Variants in ABHD1 observed in about 807,000 individuals in gnomAD.
ABHD1 encodes the protein abhydrolase domain containing 1.
Under a neutral mutation model 41.4 loss-of-function variants are expected in ABHD1, and 47 were observed. The observed-to-expected ratio is 1.13, with a 90% confidence interval of 0.90 to 1.45. The LOEUF (loss-of-function observed/expected upper bound fraction) is 1.45. Ranked by LOEUF, ABHD1 falls within the 40% of genes most tolerant of loss-of-function variation. The probability of loss-of-function intolerance (pLI) is 0.00; values close to 1 mark genes in which losing one functional copy is unlikely to be tolerated. For missense variants in ABHD1, 550 were observed against 503.4 expected (o/e 1.09, Z -0.89); for synonymous variants, 205 against 203.7 (o/e 1.01, Z -0.05).
chr2:27,125,526 C>A (rs935480168), intron 1 of ABHD1: 1 of 152,164 alleles, frequency 6.6e-6, no homozygotes, highest in Non-Finnish European at 1.5e-5. Context: ...ATCAAATTAA[C>A]CCACATAAAT....
intron 1 of ABHD1, 88 bp downstream of exon 1, chr2:27,124,150 G>A: frequency 7.9e-7 from 1 of 1,258,330 alleles, no homozygotes; most frequent in South Asian, 1.2e-5. Flanking sequence ...TGGGAACTGG[G>A]ATGGTTGGGC....
intron 1 of ABHD1, 101 bp from the exon 2 acceptor site, chr2:27,128,340 C>A: frequency 2.1e-6 from 3 of 1,427,438 alleles, no homozygotes; most frequent in Non-Finnish European, 2.9e-6. Flanking sequence ...GTCCTCCAGG[C>A]TGGGCTCTGG....
At position 27,130,162 on chromosome 2, in the gene ABHD1, T is replaced by C. The variant is rs1036361061; in HGVS notation, c.840+9T>C. ...TAGACTTTGTACTACAGGTATAATATTCAGCCATGCCCCTGGTTCCCCCAA... is the reference window on the plus strand; with the variant it reads ...TAGACTTTGTACTACAGGTATAATACTCAGCCATGCCCCTGGTTCCCCCAA... On this transcript the variant is annotated intron_variant, in intron 7 of 8. Transcript: ENST00000316470. 1.2e-6 allele frequency: 2 copies of C among 1,614,196 alleles called. No individual in the cohort carries two copies. The highest frequency in any genetic ancestry group is 4.5e-5 in the East Asian group (2 of 44,886).
In ABHD1 at chr2:27,130,307, A is replaced by C. The variant is rs1672179036; in HGVS notation, c.897A>C (p.Gln299His). ...ACACATCTGTGGCCTTTGGATATCA[A>C]GACTGTGTTACCTACTACAAAGCAG... is the stretch of plus-strand genomic sequence containing the variant. ...ERYTSVAFGY[Q>H]DCVTYYKAAS... The change falls in exon 8 of 9, where the codon CAA (glutamine) becomes CAC (histidine). Residue 299 changes from glutamine to histidine, a missense_variant. Physicochemically the swap from Gln to His is conservative, Grantham distance 24. Coordinates refer to ENST00000316470, the MANE Select transcript of ABHD1 (RefSeq NM_032604.4). 1 of 1,614,048 alleles carries C rather than the reference A, an allele frequency of 6.2e-7. No individual in the cohort carries two copies. Among genetic ancestry groups the C allele is most frequent in the South Asian group, 1.1e-5 (1 of 91,086 alleles).
At chr2:27,128,924 T>G (rs574689221) in intron 2 of ABHD1, 21 bp from the exon 3 acceptor site, 1 of 1,608,854 alleles carries the variant, frequency 6.2e-7, no homozygotes, top group Admixed American at 1.7e-5. Context: ...TATCTTTGTG[T>G]GCCTCTTCCT....
Position 27,123,898 on chromosome 2 carries a change from G to C in ABHD1, c.-51G>C. 6.5e-7 allele frequency: 1 copy of C among 1,529,262 alleles called. No individual in the cohort carries two copies. Among genetic ancestry groups the C allele is most frequent in the Non-Finnish European group, 9.0e-7 (1 of 1,111,090 alleles). 94.7% of individuals were successfully genotyped at this position (1,529,262 alleles called of 1,614,324 possible). On this transcript the variant is annotated 5_prime_UTR_variant, in exon 1 of 9. Coordinates refer to ENST00000316470, the MANE Select transcript of ABHD1 (RefSeq NM_032604.4). ...GCGGGTGGGACCGCGAGTTACAGCCGGCCAACTGGGGCCAGCCAGGAGCCT... is the reference window on the plus strand; with the variant it reads ...GCGGGTGGGACCGCGAGTTACAGCCCGCCAACTGGGGCCAGCCAGGAGCCT...
chr2:27,130,670 A>T lies in ABHD1; in HGVS notation c.1144A>T (p.Lys382Ter). ...GAGCCGCCTCTTGCATCAGTACGCC[A>T]AAGCCATCTTCCAGGACCCAGAGGG... ...YMSRLLHQYA[K>*]AIFQDPEGLP... The change falls in exon 9 of 9, where the codon AAA becomes TAA. Residue 382 changes from lysine (K) to a stop codon, truncating the protein, a stop_gained. Coordinates refer to ENST00000316470, the MANE Select transcript of ABHD1 (RefSeq NM_032604.4). LOFTEE classifies it low-confidence loss of function (END_TRUNC). The T allele has an allele frequency of 6.2e-7, 1 of 1,614,112 alleles. No individual in the cohort carries two copies. The highest frequency in any genetic ancestry group is 1.7e-5 in the Admixed American group (1 of 60,012).
intron 1 of ABHD1, chr2:27,124,337 C>G (rs566658213): frequency 1.9e-6 from 1 of 536,172 alleles, no homozygotes; most frequent in Non-Finnish European, 3.5e-6. Context: ...CCTGAGGTAT[C>G]AGAGATGTGC....
intron 1 of ABHD1, chr2:27,126,717 A>C (rs1375912302): frequency 6.6e-6 from 1 of 152,134 alleles, no homozygotes; most frequent in Non-Finnish European, 1.5e-5. Flanking sequence ...AGGAAGAAAA[A>C]AATCGATTCA....
chr2:27,129,927 G>T lies in ABHD1; in HGVS notation c.791G>T (p.Arg264Leu), dbSNP rs185150956. Reference sequence around the variant, plus strand: ...GCTGGGCTCTGCCAACTTGTGGAACGGTAGGGTCGTGGCAAGTGGGAGGAG... The same window carrying T: ...GCTGGGCTCTGCCAACTTGTGGAACTGTAGGGTCGTGGCAAGTGGGAGGAG... ...LTAGLCQLVERNRKVIEKVVD... is the reference protein window; with the variant it reads ...LTAGLCQLVELNRKVIEKVVD... The change falls in exon 6 of 9, where the codon CGA becomes CTA. Residue 264 changes from arginine to leucine, a missense_variant and splice_region_variant. Physicochemically the swap from Arg to Leu is moderately radical, Grantham distance 102 (BLOSUM62 -2). Coordinates refer to ENST00000316470, the MANE Select transcript of ABHD1 (RefSeq NM_032604.4). 1.1e-5 allele frequency: 18 copies of T among 1,613,918 alleles called. No homozygotes were observed. In the East Asian group the frequency reaches 3.8e-4, roughly 34 times the overall value.
At chr2:27,124,510 C>T in intron 1 of ABHD1, 1 of 351,842 alleles carries the variant, frequency 2.8e-6, no homozygotes, top group Non-Finnish European at 5.6e-6. Context: ...TCAGAACTGG[C>T]CTAGCTCAGA....
intron 1 of ABHD1, among the ~76,000 whole-genome samples, chr2:27,127,563 A>AG (rs1374816747): frequency 3.7e-5 from 2 of 53,564 alleles, no homozygotes; most frequent in Non-Finnish European, 1.2e-4. Flanking sequence ...CAAAAAAAAA[A>AG]AAAAAAAAGA....
At chr2:27,128,072 C>T (rs1672046699) in intron 1 of ABHD1, among the ~76,000 whole-genome samples, 1 of 152,152 alleles carries the variant, frequency 6.6e-6, no homozygotes, top group Non-Finnish European at 1.5e-5. Flanking sequence ...CCTCAGCCTC[C>T]CAAGTGGCTG....
chr2:27,130,037 G>A, intron 6 of ABHD1, 68 bp from the exon 7 acceptor site: 1 of 1,611,428 alleles, frequency 6.2e-7, no homozygotes, highest in South Asian at 1.1e-5. Flanking sequence ...ACATGAGATA[G>A]TAAGACAGGG....
Position 27,129,557 on chromosome 2 carries a change from C to T in ABHD1, c.548C>T (p.Thr183Ile). Residue 183 changes from threonine to isoleucine, a missense_variant, in exon 5 of 9, where the codon ACA becomes ATA. Transcript: ENST00000316470. ...FCASNTEDLETVVNHIKHRYP... is the reference protein window; with the variant it reads ...FCASNTEDLEIVVNHIKHRYP... ...GCCAGCAATACTGAAGATCTAGAGA[C>T]AGTCGTGAACCACATAAAGCATCGT... The T allele has an allele frequency of 6.2e-7, 1 of 1,614,136 alleles. No individual in the cohort carries two copies. The highest frequency in any genetic ancestry group is 1.1e-5 in the South Asian group (1 of 91,088).
At chr2:27,129,965 G>A (rs1167676775) in intron 6 of ABHD1, 38 bp downstream of exon 6, 3 of 1,612,940 alleles carry the variant, frequency 1.9e-6, no homozygotes, top group Non-Finnish European at 2.5e-6. Flanking sequence ...AGTAGACAGA[G>A]TAGGATGGCA....
intron 1 of ABHD1, 157 bp from the exon 2 acceptor site, chr2:27,128,284 C>A: frequency 1.2e-6 from 1 of 857,264 alleles, no homozygotes; most frequent in Non-Finnish European, 1.9e-6. Context: ...CAGACTTGGC[C>A]ATTCAACTGA....
At chr2:27,128,644 CTA>C (rs1467429417) in intron 2 of ABHD1, 43 bp downstream of exon 2, 19 of 1,604,482 alleles carry the variant, frequency 1.2e-5, no homozygotes, top group Non-Finnish European at 1.4e-5. Context: ...CCCCAGGTAT[CTA>C]GGGAAAAACC....
Position 27,129,778 on chromosome 2 carries a change from A to G in ABHD1, c.642A>G (p.Ala214=). ...GGATACTGGTGCTGAATCACCTGGC[A>G]CAGGCCAGGCAGGCTGCAGGGCTGG... ...FGGILVLNHL[A]QARQAAGLVA... is the part of the protein sequence containing the mutation. The change falls in exon 6 of 9, where the codon GCA becomes GCG. Residue 214 remains alanine, a synonymous_variant. Coordinates refer to ENST00000316470, the MANE Select transcript of ABHD1 (RefSeq NM_032604.4). 1 of 1,614,116 alleles carries G rather than the reference A, an allele frequency of 6.2e-7. No individual in the cohort carries two copies. The highest frequency in any genetic ancestry group is 8.5e-7 in the Non-Finnish European group (1 of 1,180,014).
Sources: gnomAD v4.1 joint callset for allele counts (sites outside exome capture counted in the v4.1 genomes callset) on GRCh38, gnomAD v4.1.1 for gene constraint, MANE v1.5 for transcripts, NCBI Gene and HGNC (gene_info 2026-07-23, HGNC 2026-07-21) for gene names.